Variants in PIK3C2G observed in about 807,000 individuals in gnomAD.
PIK3C2G encodes the protein phosphatidylinositol-4-phosphate 3-kinase catalytic subunit type 2 gamma.
Under a neutral mutation model 181.1 loss-of-function variants are expected in PIK3C2G, and 168 were observed. The ratio of observed to expected loss-of-function variants is 0.93; its 90% confidence interval spans 0.82 to 1.05. The LOEUF is 1.05. PIK3C2G is among the 50% of genes least tolerant of loss of function. The pLI is 0.00. For missense variants in PIK3C2G, 1,869 were observed against 1,732.8 expected (o/e 1.08, Z -1.40); for synonymous variants, 573 against 592.2 (o/e 0.97, Z 0.47).
intron 24 of PIK3C2G, among the ~76,000 whole-genome samples, chr12:18,530,082 A>G (rs1345718055): frequency 6.6e-6 from 1 of 152,102 alleles, no homozygotes; most frequent in Non-Finnish European, 1.5e-5. Flanking sequence ...TTCACTCTCT[A>G]CAACAATTGG....
At chr12:18,705,168 C>G in the PIK3C2G span, 1 of 1,613,968 alleles carries the variant, frequency 6.2e-7, no homozygotes, top group Non-Finnish European at 8.5e-7. Context: ...AATGTTACCT[C>G]TGGTGATGGT....
the PIK3C2G span, among the ~76,000 whole-genome samples, chr12:18,680,649 T>C: frequency 6.6e-6 from 1 of 152,004 alleles, no homozygotes; most frequent in Non-Finnish European, 1.5e-5. Flanking sequence ...AAGTACAAGA[T>C]AATGGAAGAA....
intron 5 of PIK3C2G, among the ~76,000 whole-genome samples, chr12:18,303,143 C>CTTTCTTTCT: frequency 1.9e-5 from 1 of 52,274 alleles, no homozygotes; most frequent in Non-Finnish European, 3.8e-5. Flanking sequence ...TCTTTCTTTT[C>CTTTCTTTCT]TTTTCTTTCT....
chr12:18,511,324 T>C (rs1416733973), intron 24 of PIK3C2G, among the ~76,000 whole-genome samples: 2 of 152,122 alleles, frequency 1.3e-5, no homozygotes, highest in Admixed American at 1.3e-4. Context: ...TTGATTTCCA[T>C]TCTTTTGAAG....
chr12:18,696,675 A>C, the PIK3C2G span, among the ~76,000 whole-genome samples: 1 of 152,032 alleles, frequency 6.6e-6, no homozygotes, highest in African/African-American at 2.4e-5. Context: ...TTTTCACAGT[A>C]GGGCAGAATC....
intron 28 of PIK3C2G, among the ~76,000 whole-genome samples, chr12:18,564,206 A>C (rs1945495626): frequency 6.6e-6 from 1 of 152,032 alleles, no homozygotes. Flanking sequence ...ACTGCTGTTC[A>C]AATAACCCTT....
At chr12:18,312,355 C>T (rs1950674896) in intron 5 of PIK3C2G, among the ~76,000 whole-genome samples, 1 of 152,128 alleles carries the variant, frequency 6.6e-6, no homozygotes. Flanking sequence ...AGTCATTGCA[C>T]TGGTGTCCAG....
chr12:18,387,907 A>G (rs1372346639), intron 14 of PIK3C2G, among the ~76,000 whole-genome samples: 1 of 152,184 alleles, frequency 6.6e-6, no homozygotes, highest in Non-Finnish European at 1.5e-5. Context: ...GAACCTGAAT[A>G]CCAAAATGTT....
the PIK3C2G span, among the ~76,000 whole-genome samples, chr12:18,712,534 C>T: frequency 1.2e-4 from 19 of 152,006 alleles, no homozygotes; most frequent in Non-Finnish European, 2.4e-4. Context: ...ATTACCTAGA[C>T]CAGTATTTCT....
At chr12:18,656,743 GCAACAACAACGA>G in the PIK3C2G span, among the ~76,000 whole-genome samples, 5 of 63,726 alleles carry the variant, frequency 7.8e-5, no homozygotes, top group African/African-American at 2.8e-4. Flanking sequence ...TCAAACAACA[GCAACAACAACGA>G]CAACAACAAC....
chr12:18,341,677 C>A (rs142436998), intron 9 of PIK3C2G, among the ~76,000 whole-genome samples: 134 of 152,236 alleles, frequency 8.8e-4, no homozygotes, highest in African/African-American at 3.1e-3. Context: ...AGAGTACTGG[C>A]ACACATAGTA....
At chr12:18,463,076 ATTTGAT>A (rs940801639) in intron 18 of PIK3C2G, among the ~76,000 whole-genome samples, 1 of 152,184 alleles carries the variant, frequency 6.6e-6, no homozygotes, top group Admixed American at 6.6e-5. Context: ...ATAAGGATAT[ATTTGAT>A]TTTATCTCCA....
the PIK3C2G span, among the ~76,000 whole-genome samples, chr12:18,685,819 ATC>A: frequency 7.0e-5 from 10 of 141,876 alleles, no homozygotes; most frequent in Middle Eastern, 3.2e-3. Context: ...CTCCTCCTGT[ATC>A]TCTCTCTGTC....
At chr12:18,263,330 T>C (rs144263938) in intron 1 of PIK3C2G, among the ~76,000 whole-genome samples, 38 of 152,228 alleles carry the variant, frequency 2.5e-4, no homozygotes, top group African/African-American at 9.1e-4. Context: ...TGACTTTGAA[T>C]TATATTAAAA....
intron 8 of PIK3C2G, among the ~76,000 whole-genome samples, chr12:18,333,926 T>A (rs1202577904): frequency 6.6e-6 from 1 of 152,118 alleles, no homozygotes; most frequent in African/African-American, 2.4e-5. Context: ...TTATGCCGTT[T>A]TGTTTGGTTT....
chr12:18,488,609 G>A lies in PIK3C2G; in HGVS notation c.2665G>A (p.Ala889Thr), dbSNP rs1362744640. Residue 889 changes from alanine (A) to threonine (T), a missense_variant, in exon 19 of 33, where the codon GCC becomes ACC. Physicochemically the swap from Ala to Thr is moderately conservative, Grantham distance 58 (BLOSUM62 0). Coordinates refer to ENST00000538779, the MANE Select transcript of PIK3C2G (RefSeq NM_001288772.2). Reference sequence around the variant, plus strand: ...AGATATTGGGGAAAGAGTCAAGTCTGCCAGTGACCATCAAAGACAGGTTTG... The same window carrying A: ...AGATATTGGGGAAAGAGTCAAGTCTACCAGTGACCATCAAAGACAGGTTTG... ...LGDIGERVKS[A>T]SDHQRQEVLK... is the part of the protein sequence containing the mutation. 2 of 1,535,766 alleles carry A rather than the reference G, an allele frequency of 1.3e-6. No homozygotes were observed. The highest frequency in any genetic ancestry group is 2.1e-5 in the Admixed American group (1 of 47,974).
At chr12:18,347,667 A>G (rs1939798536) in intron 11 of PIK3C2G, among the ~76,000 whole-genome samples, 1 of 151,808 alleles carries the variant, frequency 6.6e-6, no homozygotes, top group Non-Finnish European at 1.5e-5. Context: ...AAAAATTAGC[A>G]GGGCATGATG....
At chr12:18,479,700 G>C (rs1401571132) in intron 18 of PIK3C2G, among the ~76,000 whole-genome samples, 1 of 152,178 alleles carries the variant, frequency 6.6e-6, no homozygotes, top group Non-Finnish European at 1.5e-5. Context: ...AAGCATGCAG[G>C]TTCTTGCCAG....
chr12:18,286,993 C>A, intron 3 of PIK3C2G, 64 bp downstream of exon 3: 2 of 648,686 alleles, frequency 3.1e-6, no homozygotes, highest in South Asian at 2.8e-5. Context: ...TGTATTTTGA[C>A]ATCACTGAAC....
Sources: gnomAD v4.1 joint callset for allele counts (sites outside exome capture counted in the v4.1 genomes callset) on GRCh38, gnomAD v4.1.1 for gene constraint, MANE v1.5 for transcripts, NCBI Gene and HGNC (gene_info 2026-07-23, HGNC 2026-07-21) for gene names.